PACRG: variants seen among roughly 807,000 people sequenced by gnomAD.
The protein encoded by PACRG is parkin coregulated.
PACRG carries 29 observed loss-of-function variants against 29.7 expected under a neutral mutation model. The ratio of observed to expected loss-of-function variants is 0.98; its 90% confidence interval spans 0.73 to 1.33. PACRG has a LOEUF of 1.33. Ranked by LOEUF, PACRG falls within the 40% of genes most tolerant of loss-of-function variation. PACRG has a pLI of 0.00. For missense variants in PACRG, 279 were observed against 316.2 expected (o/e 0.88, Z 0.89); for synonymous variants, 116 against 118.7 (o/e 0.98, Z 0.15).
intron 2 of PACRG, among the ~76,000 whole-genome samples, chr6:162,954,774 T>TG (rs1799899625): frequency 6.6e-6 from 1 of 152,232 alleles, no homozygotes; most frequent in Admixed American, 6.5e-5. Context: ...AGCAAATAAA[T>TG]GCAGTGTTAT....
chr6:163,070,874 A>G (rs764963435), intron 3 of PACRG, among the ~76,000 whole-genome samples: 2 of 152,102 alleles, frequency 1.3e-5, no homozygotes, highest in African/African-American at 2.4e-5. Context: ...TTCCATGCCA[A>G]TGGAAACCAA....
At chr6:163,154,415 A>G (rs1271206471) in intron 4 of PACRG, among the ~76,000 whole-genome samples, 4 of 152,216 alleles carry the variant, frequency 2.6e-5, no homozygotes, top group Non-Finnish European at 5.9e-5. Flanking sequence ...CATCTTAAAG[A>G]TTACAGACCC....
At chr6:162,892,266 C>A (rs1240553950) in intron 2 of PACRG, among the ~76,000 whole-genome samples, 2 of 152,182 alleles carry the variant, frequency 1.3e-5, no homozygotes, top group Non-Finnish European at 1.5e-5. Flanking sequence ...CCACAGGCAC[C>A]AGGCATTGTT....
At chr6:163,083,787 G>A (rs1053656947) in intron 3 of PACRG, among the ~76,000 whole-genome samples, 2 of 151,738 alleles carry the variant, frequency 1.3e-5, no homozygotes, top group African/African-American at 4.8e-5. Context: ...TTAGAATTTT[G>A]TTTGCTTTTG....
chr6:162,849,190 G>T (rs762254897), intron 2 of PACRG, among the ~76,000 whole-genome samples: 1 of 152,152 alleles, frequency 6.6e-6, no homozygotes. Flanking sequence ...AGAGTGAAGG[G>T]ATGGTTAAAA....
intron 4 of PACRG, among the ~76,000 whole-genome samples, chr6:163,269,762 GAGAC>G (rs1554237772): frequency 4.9e-4 from 25 of 51,306 alleles, no homozygotes; most frequent in South Asian, 3.1e-3. Flanking sequence ...GAGAGAGAGA[GAGAC>G]AGACAGACAG....
intron 4 of PACRG, chr6:163,101,158 G>A (rs945432292): frequency 6.1e-5 from 60 of 983,108 alleles, no homozygotes; most frequent in African/African-American, 8.8e-5. Flanking sequence ...CTCTGCCCCC[G>A]CCCCCCAAAA....
intron 4 of PACRG, among the ~76,000 whole-genome samples, chr6:163,229,928 A>C (rs1190578440): frequency 1.3e-5 from 2 of 152,204 alleles, no homozygotes; most frequent in African/African-American, 2.4e-5. Flanking sequence ...ACCTAATTCA[A>C]TTGTAACCTG....
At chr6:162,980,913 TG>T (rs1802361797) in intron 2 of PACRG, among the ~76,000 whole-genome samples, 1 of 152,144 alleles carries the variant, frequency 6.6e-6, no homozygotes, top group Admixed American at 6.6e-5. Context: ...CAATAATTTT[TG>T]GGGAACAGGT....
intron 4 of PACRG, among the ~76,000 whole-genome samples, chr6:163,151,495 G>T (rs1214137338): frequency 6.6e-6 from 1 of 152,118 alleles, no homozygotes; most frequent in Non-Finnish European, 1.5e-5. Context: ...GGCCTCCAAA[G>T]CATGTGTTTT....
At chr6:162,827,588 A>C (rs1788393333) in intron 2 of PACRG, among the ~76,000 whole-genome samples, 1 of 152,168 alleles carries the variant, frequency 6.6e-6, no homozygotes, top group Non-Finnish European at 1.5e-5. Context: ...TTTTGGTAAG[A>C]AATTTTGCAT....
intron 2 of PACRG, among the ~76,000 whole-genome samples, chr6:162,948,675 T>G (rs1340701465): frequency 6.6e-6 from 1 of 151,810 alleles, no homozygotes; most frequent in Non-Finnish European, 1.5e-5. Context: ...TGCAAGAAAC[T>G]CACAAGTCAA....
intron 4 of PACRG, among the ~76,000 whole-genome samples, chr6:163,169,963 C>T (rs1562948183): frequency 6.6e-6 from 1 of 152,146 alleles, no homozygotes; most frequent in Non-Finnish European, 1.5e-5. Context: ...CAGGGTCGTC[C>T]CTCCGTCTGT....
intron 2 of PACRG, among the ~76,000 whole-genome samples, chr6:162,896,276 G>C (rs1056950220): frequency 6.6e-6 from 1 of 152,202 alleles, no homozygotes; most frequent in African/African-American, 2.4e-5. Flanking sequence ...TAGAGGAATT[G>C]GAGTGGGGCT....
chr6:163,166,985 A>T (rs1778840988), intron 4 of PACRG, among the ~76,000 whole-genome samples: 1 of 152,258 alleles, frequency 6.6e-6, no homozygotes, highest in South Asian at 2.1e-4. Flanking sequence ...CTATCCAAAT[A>T]AAGTTCAGAT....
At chr6:163,145,321 G>A (rs973832615) in intron 4 of PACRG, among the ~76,000 whole-genome samples, 1 of 152,144 alleles carries the variant, frequency 6.6e-6, no homozygotes, top group Non-Finnish European at 1.5e-5. Context: ...GAGCTAGAAT[G>A]CCAGGAACTA....
intron 2 of PACRG, among the ~76,000 whole-genome samples, chr6:162,947,893 A>C (rs1297946136): frequency 6.6e-6 from 1 of 151,708 alleles, no homozygotes; most frequent in Non-Finnish European, 1.5e-5. Context: ...CTGATTTAAA[A>C]AATTAAAGAG....
intron 4 of PACRG, among the ~76,000 whole-genome samples, chr6:163,243,593 A>T (rs900546879): frequency 6.6e-6 from 1 of 151,806 alleles, no homozygotes; most frequent in African/African-American, 2.4e-5. Flanking sequence ...ATGGTGGACC[A>T]CCCCTCAGCT....
chr6:163,249,036 A>T (rs1421948045), intron 4 of PACRG, among the ~76,000 whole-genome samples: 1 of 145,664 alleles, frequency 6.9e-6, no homozygotes, highest in Non-Finnish European at 1.5e-5. Flanking sequence ...AAAAAAAAAA[A>T]AAGACAAAGC....
Sources: allele counts gnomAD v4.1 joint callset (sites outside exome capture counted in the v4.1 genomes callset), GRCh38; gene constraint gnomAD v4.1.1; transcripts MANE v1.5; gene names NCBI Gene and HGNC (gene_info 2026-07-23, HGNC 2026-07-21).